The following SYNE2 variants were observed in gnomAD, a reference collection of about 807,000 sequenced individuals.
SYNE2 encodes the protein nesprin-2.
SYNE2 carries 431 observed loss-of-function variants against 856.3 expected under a neutral mutation model. That is an observed-to-expected ratio of 0.50 (90% CI 0.47 to 0.55). SYNE2 has a LOEUF of 0.55. SYNE2 is among the 20% of genes least tolerant of loss of function. The pLI, the probability that SYNE2 is intolerant of heterozygous loss-of-function variation, is 0.00. For synonymous variants in SYNE2, 2,923 were observed against 2,872.3 expected, an observed-to-expected ratio of 1.02 and a Z score of -0.56; for missense variants, 8,129 against 8,023.2, an observed-to-expected ratio of 1.01 and a Z score of -0.50.
At chr14:64,216,068 A>G in intron 107 of SYNE2, 180 bp from the exon 108 acceptor site, 1 of 1,504,252 alleles carries the variant, frequency 6.6e-7, no homozygotes, top group Non-Finnish European at 8.9e-7. Context: ...GTGAAGGCAC[A>G]GTGTTGCTGA....
intron 38 of SYNE2, 108 bp downstream of exon 38, chr14:64,022,971 G>T: frequency 1.4e-6 from 1 of 695,914 alleles, no homozygotes; most frequent in Non-Finnish European, 2.6e-6. Flanking sequence ...ACTCACACCT[G>T]TAATCCTAGC....
chr14:64,088,184 T>C (rs1360350050), intron 58 of SYNE2, among the ~76,000 whole-genome samples: 1 of 152,142 alleles, frequency 6.6e-6, no homozygotes, highest in Non-Finnish European at 1.5e-5. Flanking sequence ...TTCTGTCAAA[T>C]AAATTAGAGT....
chr14:63,973,189 G>T (rs2096493470), intron 11 of SYNE2, among the ~76,000 whole-genome samples: 1 of 152,178 alleles, frequency 6.6e-6, no homozygotes, highest in Non-Finnish European at 1.5e-5. Context: ...GGTAGGCGGA[G>T]GTTTCAGTGA....
chr14:63,833,949 A>G (rs932278899), intron 1 of SYNE2, among the ~76,000 whole-genome samples: 3 of 152,076 alleles, frequency 2.0e-5, no homozygotes, highest in Non-Finnish European at 4.4e-5. Flanking sequence ...ACCACACTTG[A>G]GTAACTACTG....
chr14:63,980,963 T>A, intron 15 of SYNE2, 23 bp from the exon 16 acceptor site: 1 of 1,492,962 alleles, frequency 6.7e-7, no homozygotes, highest in Non-Finnish European at 9.2e-7. Context: ...TAAGATTACT[T>A]TTTTGTTTTG....
At chr14:64,076,401 T>C (rs945161230) in intron 54 of SYNE2, among the ~76,000 whole-genome samples, 2 of 152,206 alleles carry the variant, frequency 1.3e-5, no homozygotes, top group Non-Finnish European at 2.9e-5. Context: ...ACAACCACTG[T>C]ACAACCACTT....
chr14:63,868,682 A>G (rs1186152599), intron 1 of SYNE2, among the ~76,000 whole-genome samples: 1 of 152,142 alleles, frequency 6.6e-6, no homozygotes, highest in African/African-American at 2.4e-5. Context: ...AAGAATGGAA[A>G]ATGAAAGTAA....
At chr14:63,947,533 G>A (rs530990420) in intron 6 of SYNE2, among the ~76,000 whole-genome samples, 5 of 152,078 alleles carry the variant, frequency 3.3e-5, no homozygotes, top group Non-Finnish European at 5.9e-5. Context: ...TGACTCAATA[G>A]TTTATTGAAA....
At chr14:64,058,637 A>G (rs2097292238) in intron 49 of SYNE2, among the ~76,000 whole-genome samples, 1 of 151,844 alleles carries the variant, frequency 6.6e-6, no homozygotes, top group Non-Finnish European at 1.5e-5. Context: ...AAGCCACCAC[A>G]CTGGCTAATA....
chr14:63,776,810 A>G (rs1375367546), intron 1 of SYNE2, among the ~76,000 whole-genome samples: 3 of 152,052 alleles, frequency 2.0e-5, no homozygotes, highest in African/African-American at 4.8e-5. Flanking sequence ...CATCTCGGCC[A>G]GGCTGGTCTC....
At chr14:63,868,535 A>C (rs916171919) in intron 1 of SYNE2, among the ~76,000 whole-genome samples, 2 of 152,178 alleles carry the variant, frequency 1.3e-5, no homozygotes, top group Admixed American at 1.3e-4. Flanking sequence ...CCTGATATCA[A>C]ATACCTAGGT....
intron 8 of SYNE2, 119 bp downstream of exon 8, chr14:63,955,034 A>T (rs906846421): frequency 7.9e-5 from 65 of 818,704 alleles, no homozygotes; most frequent in Non-Finnish European, 1.1e-4. Flanking sequence ...GGAGGGTTTA[A>T]CTTAAGCTCT....
intron 26 of SYNE2, among the ~76,000 whole-genome samples, chr14:63,998,573 A>G (rs2096730583): frequency 6.6e-6 from 1 of 151,252 alleles, no homozygotes; most frequent in African/African-American, 2.4e-5. Flanking sequence ...TTTATTTTTA[A>G]TATTTTAGGA....
chr14:64,081,508 C>G lies in SYNE2; in HGVS notation c.11412C>G (p.Thr3804=). 1 of 1,614,106 alleles carries G rather than the reference C, an allele frequency of 6.2e-7. No homozygotes were observed. The highest frequency in any genetic ancestry group is 1.1e-5 in the South Asian group (1 of 91,076). Residue 3804 remains threonine, a synonymous_variant, in exon 57 of 116, where the codon ACC becomes ACG. Transcript: ENST00000555002. ...LKSTEAWIEN[T]SHLLANPADY... is the part of the protein sequence containing the mutation. ...GCACTGAGGCTTGGATAGAAAATAC[C>G]AGTCATTTGCTGGCCAATCCTGCTG...
chr14:63,940,476 T>G (rs1045046272), intron 2 of SYNE2, 138 bp from the exon 3 acceptor site: 18 of 782,080 alleles, frequency 2.3e-5, no homozygotes, highest in Non-Finnish European at 3.3e-5. Flanking sequence ...ACATCTACAG[T>G]TTAGACTAAA....
rs35509549 is a variant in SYNE2 at position 64,076,740 on chromosome 14, A to ATTTTT, written c.11022+654_11022+658dup. Among the ~76,000 whole-genome samples, 77 of 122,180 alleles carry ATTTTT rather than the reference A, an allele frequency of 6.3e-4. No homozygotes were observed. The South Asian group carries it at 0.012, about 19-fold the overall frequency. The allele number at this position is 122,180 out of a possible 152,430, so 80.2% of individuals were successfully genotyped here. A position where few individuals can be genotyped will look rare whatever the true frequency, so the allele number is the denominator to read the frequency against. On this transcript the variant is annotated intron_variant, in intron 54 of 115. Coordinates refer to ENST00000555002, the MANE Select transcript of SYNE2 (RefSeq NM_182914.3). ...TGTTTGGTCTGGTATCCACAGAAGG[A>ATTTTT]TTTTTTTTTTTTTTTTTTGTCTAGA...
chr14:63,808,283 G>A (rs1248818857), intron 1 of SYNE2, among the ~76,000 whole-genome samples: 1 of 151,758 alleles, frequency 6.6e-6, no homozygotes, highest in Non-Finnish European at 1.5e-5. Flanking sequence ...GAGGTCAGGA[G>A]TTCGAGATCA....
At chr14:63,948,770 G>GTGTGTATATATGTATATA in intron 6 of SYNE2, among the ~76,000 whole-genome samples, 1 of 79,706 alleles carries the variant, frequency 1.3e-5, no homozygotes. Context: ...GTATATATAT[G>GTGTGTATATATGTATATA]TATGTGTGTG....
At position 64,188,606 on chromosome 14, in the gene SYNE2, T is replaced by A; in HGVS notation, c.17769T>A (p.Asn5923Lys). Residue 5923 changes from asparagine (N) to lysine (K), a missense_variant, in exon 98 of 116, where the codon AAT (asparagine) becomes AAA (lysine). Coordinates refer to ENST00000555002, the MANE Select transcript of SYNE2 (RefSeq NM_182914.3). ...GACTCAATACATGGGTTGTATTCAA[T>A]GAAAAAAATAAAGAGTTGTGTGCCT... ...EDRLNTWVVF[N>K]EKNKELCAWL... is the part of the protein sequence containing the mutation. 1 of 1,614,130 alleles carries A rather than the reference T, an allele frequency of 6.2e-7. No individual in the cohort carries two copies. The highest frequency in any genetic ancestry group is 1.1e-5 in the South Asian group (1 of 91,070).
Sources: allele counts gnomAD v4.1 joint callset (sites outside exome capture counted in the v4.1 genomes callset), GRCh38; gene constraint gnomAD v4.1.1; transcripts MANE v1.5; gene names NCBI Gene and HGNC (gene_info 2026-07-23, HGNC 2026-07-21).